The following AHR variants were observed in gnomAD, a reference collection of about 807,000 sequenced individuals.
The protein encoded by AHR is AH-receptor.
Under a neutral mutation model 86.8 loss-of-function variants are expected in AHR, and 40 were observed. The ratio of observed to expected loss-of-function variants is 0.46; its 90% CI spans 0.36 to 0.60. The LOEUF (loss-of-function observed/expected upper bound fraction) is 0.60, where lower values mean the gene tolerates loss of function less well. Among genes scored for constraint, AHR ranks in the 20% least tolerant of loss-of-function variants. The probability of loss-of-function intolerance (pLI) is 0.00; values close to 1 mark genes in which losing one functional copy is unlikely to be tolerated. For missense variants in AHR, 1,001 were observed against 1,011.6 expected (o/e 0.99, Z 0.14); for synonymous variants, 398 against 354.9 (o/e 1.12, Z -1.37).
In AHR at chr7:17,330,083, T is replaced by G; in HGVS notation, c.574+8T>G. 6.2e-7 allele frequency: 1 copy of G among 1,606,326 alleles called. No individual in the cohort carries two copies. The highest frequency in any genetic ancestry group is 8.5e-7 in the Non-Finnish European group (1 of 1,176,146). ...CTGGACAAGGAATTGAAGGTAAGAA[T>G]TGATGGTACAAAAAATAGTGTTGGT... On this transcript the variant is annotated splice_region_variant and intron_variant, in intron 5 of 10. Coordinates refer to ENST00000242057, the MANE Select transcript of AHR (RefSeq NM_001621.5).
chr7:17,310,502 T>G (rs1316606409), intron 2 of AHR, among the ~76,000 whole-genome samples: 2 of 152,034 alleles, frequency 1.3e-5, no homozygotes, highest in East Asian at 3.8e-4. Context: ...CATGTCATTT[T>G]ATTTATCCCT....
At chr7:17,309,823 A>C in intron 1 of AHR, 113 bp from the exon 2 acceptor site, 1 of 898,402 alleles carries the variant, frequency 1.1e-6, no homozygotes, top group Non-Finnish European at 1.6e-6. Context: ...CTTTAAGTAG[A>C]CTTTAAAAGT....
chr7:17,337,579 A>G (rs1327440783), intron 9 of AHR, among the ~76,000 whole-genome samples: 2 of 145,998 alleles, frequency 1.4e-5, no homozygotes, highest in Non-Finnish European at 3.0e-5. Flanking sequence ...GGTTCACGCC[A>G]TTCTCCTGCC....
Position 17,345,461 on chromosome 7 carries a change from AT to A in AHR, c.*2400del, listed in dbSNP as rs568625656. 8.4e-4 allele frequency: 128 copies of A among 152,794 alleles called. No individual in the cohort carries two copies. Among genetic ancestry groups the A allele is most frequent in the African/African-American group, 2.9e-3 (119 of 41,558 alleles). 9.5% of individuals were successfully genotyped at this position (152,794 alleles called of 1,614,324 possible). A position where few individuals can be genotyped will look rare whatever the true frequency, so the allele number is the denominator to read the frequency against. On this transcript the variant is annotated 3_prime_UTR_variant, in exon 11 of 11. Transcript: ENST00000242057. ...AGAATCAATTTAAGTGTTGGAAAAA[AT>A]TTGTCTGAAACATTTCATAATTTGT... is the stretch of plus-strand genomic sequence containing the variant.
chr7:17,330,088 G>C lies in AHR; in HGVS notation c.574+13G>C. 1 of 1,604,928 alleles carries C rather than the reference G, an allele frequency of 6.2e-7. No individual in the cohort carries two copies. The highest frequency in any genetic ancestry group is 2.2e-5 in the East Asian group (1 of 44,752). ...CAAGGAATTGAAGGTAAGAATTGAT[G>C]GTACAAAAAATAGTGTTGGTAGTTT... is the stretch of plus-strand genomic sequence containing the variant. On this transcript the variant is annotated intron_variant, in intron 5 of 10. Transcript: ENST00000242057.
At chr7:17,303,532 A>C (rs1370012594) in intron 1 of AHR, among the ~76,000 whole-genome samples, 1 of 152,010 alleles carries the variant, frequency 6.6e-6, no homozygotes, top group Admixed American at 6.6e-5. Flanking sequence ...TTCCTCTTAG[A>C]GTCTTTTCTC....
At chr7:17,319,407 G>C (rs912751764) in intron 2 of AHR, among the ~76,000 whole-genome samples, 1 of 152,044 alleles carries the variant, frequency 6.6e-6, no homozygotes, top group Non-Finnish European at 1.5e-5. Context: ...CACACACTGA[G>C]GTCTGGCTAC....
chr7:17,307,321 GT>G (rs1175139921), intron 1 of AHR, among the ~76,000 whole-genome samples: 9 of 152,018 alleles, frequency 5.9e-5, no homozygotes, highest in African/African-American at 2.2e-4. Flanking sequence ...TTTCTGTGAA[GT>G]TGTTTGTATG....
At chr7:17,313,851 T>C (rs1297654072) in intron 2 of AHR, among the ~76,000 whole-genome samples, 2 of 152,222 alleles carry the variant, frequency 1.3e-5, no homozygotes, top group East Asian at 3.9e-4. Flanking sequence ...GTGGTTACAA[T>C]CTAATCTTTG....
At chr7:17,341,859 A>G (rs1782429794) in intron 10 of AHR, among the ~76,000 whole-genome samples, 3 of 152,276 alleles carry the variant, frequency 2.0e-5, no homozygotes, top group African/African-American at 7.2e-5. Flanking sequence ...TTTCTATTGG[A>G]TTACACTGCT....
chr7:17,302,176 C>G (rs1781961609), intron 1 of AHR, among the ~76,000 whole-genome samples: 1 of 151,818 alleles, frequency 6.6e-6, no homozygotes, highest in Non-Finnish European at 1.5e-5. Context: ...AAAGTTAGCA[C>G]TGAATGTTGG....
Position 17,339,074 on chromosome 7 carries a change from A to G in AHR, c.1249A>G (p.Thr417Ala). 1.2e-6 allele frequency: 2 copies of G among 1,614,188 alleles called. No homozygotes were observed. The highest frequency in any genetic ancestry group is 1.7e-6 in the Non-Finnish European group (2 of 1,180,034). The change falls in exon 10 of 11, where the codon ACC becomes GCC. Residue 417 changes from threonine (T) to alanine (A), a missense_variant. Thr to Ala is a moderately conservative substitution (Grantham distance 58). This residue lies in a region of AHR where 607 missense variants were observed against 543.1 expected (regional missense o/e 1.12). Coordinates refer to ENST00000242057, the MANE Select transcript of AHR (RefSeq NM_001621.5). ...TTGEAVLYEA[T>A]NPFPAIMDPL... Reference sequence around the variant, plus strand: ...TGGAGAAGCTGTGTTGTATGAGGCAACCAACCCTTTTCCTGCCATAATGGA... The same window carrying G: ...TGGAGAAGCTGTGTTGTATGAGGCAGCCAACCCTTTTCCTGCCATAATGGA...
intron 6 of AHR, 79 bp from the exon 7 acceptor site, chr7:17,333,833 C>G: frequency 8.9e-7 from 1 of 1,119,506 alleles, no homozygotes; most frequent in Non-Finnish European, 1.3e-6. Context: ...TAGAGGCAGC[C>G]ATAATGGAGC....
chr7:17,331,004 C>G, intron 6 of AHR, 118 bp downstream of exon 6: 1 of 1,126,856 alleles, frequency 8.9e-7, no homozygotes, highest in Non-Finnish European at 1.2e-6. Context: ...AGGCAACCCT[C>G]AGAACCAGAG....
rs1324365876 is a variant in AHR at position 17,299,235 on chromosome 7, G to C, written c.-30G>C. ...CCGGGGACCCGGCCGCCAGTGCCCGGGGAGTAGCCGCCGCCGTCGGCTGGG... is the reference window on the plus strand; with the variant it reads ...CCGGGGACCCGGCCGCCAGTGCCCGCGGAGTAGCCGCCGCCGTCGGCTGGG... On this transcript the variant is annotated 5_prime_UTR_variant, in exon 1 of 11. Transcript: ENST00000242057. The C allele has an allele frequency of 5.0e-6, 8 of 1,607,248 alleles. No homozygotes were observed. The highest frequency in any genetic ancestry group is 3.3e-5 in the Admixed American group (2 of 59,716).
intron 1 of AHR, 44 bp downstream of exon 1, chr7:17,299,373 A>G: frequency 6.2e-7 from 1 of 1,601,934 alleles, no homozygotes; most frequent in Non-Finnish European, 8.5e-7. Flanking sequence ...CTGGGCGCTC[A>G]GGCACGCGGG....
At chr7:17,305,157 AAGTGGCTTCCAGCC>A (rs1781992836) in intron 1 of AHR, among the ~76,000 whole-genome samples, 2 of 152,164 alleles carry the variant, frequency 1.3e-5, no homozygotes, top group African/African-American at 4.8e-5. Flanking sequence ...GACTCATTAA[AAGTGGCTTCCAGCC>A]AGAATTCTCA....
At chr7:17,342,262 T>G (rs1207086723) in intron 10 of AHR, among the ~76,000 whole-genome samples, 1 of 152,182 alleles carries the variant, frequency 6.6e-6, no homozygotes, top group Admixed American at 6.5e-5. Context: ...ATTTTTCTTT[T>G]TTCTACTAGC....
intron 2 of AHR, among the ~76,000 whole-genome samples, chr7:17,316,691 T>C (rs1338219095): frequency 6.6e-6 from 1 of 152,180 alleles, no homozygotes; most frequent in African/African-American, 2.4e-5. Context: ...GAATTCTTCA[T>C]GTATTTTCTA....
Sources: gnomAD v4.1 joint callset for allele counts (sites outside exome capture counted in the v4.1 genomes callset) on GRCh38, gnomAD v4.1.1 for gene constraint, gnomAD v4.1.1 regional missense constraint, MANE v1.5 for transcripts, NCBI Gene and HGNC (gene_info 2026-07-23, HGNC 2026-07-21) for gene names.